The following STK11IP variants were observed in gnomAD, a reference collection of about 807,000 sequenced individuals.
STK11IP encodes the protein serine/threonine-protein kinase 11-interacting protein.
In STK11IP, 103 loss-of-function variants were observed where a neutral mutation model predicts 131.7. That is an observed-to-expected ratio of 0.78 (90% CI 0.67 to 0.92). The LOEUF (loss-of-function observed/expected upper bound fraction) is 0.92. STK11IP is among the 40% of genes least tolerant of loss of function. The pLI, the probability that STK11IP is intolerant of heterozygous loss-of-function variation, is 0.00. For missense variants in STK11IP, 1,315 were observed against 1,385.7 expected, an observed-to-expected ratio of 0.95 and a Z score of 0.81; for synonymous variants, 557 against 575.6, an observed-to-expected ratio of 0.97 and a Z score of 0.46.
intron 19 of STK11IP, 186 bp from the exon 20 acceptor site, chr2:219,612,936 CGGGCAG>C: frequency 1.8e-6 from 1 of 565,588 alleles, no homozygotes; most frequent in Non-Finnish European, 3.2e-6. Context: ...AGGCTCTGAG[CGGGCAG>C]GGGCTGCAAG....
intron 24 of STK11IP, among the ~76,000 whole-genome samples, 183 bp downstream of exon 24, chr2:219,615,524 C>CAGAG (rs59194333): frequency 0.96 from 146,033 of 152,110 alleles, 70,388 homozygotes; most frequent in East Asian, 1. Context: ...AATATCAAGT[C>CAGAG]AGGGAGGCAG....
Position 219,601,656 on chromosome 2 carries a change from G to T in STK11IP, c.283G>T (p.Gly95Cys), listed in dbSNP as rs199668217. Residue 95 changes from glycine to cysteine, a missense_variant, in exon 4 of 25, where the codon GGT (glycine) becomes TGT (cysteine). Coordinates refer to ENST00000456909, the MANE Select transcript of STK11IP (RefSeq NM_052902.4). ...TTTTTTTCAGCTGGTCCATGTTGCT[G>T]GTCCTGGCCCCACAGGGCCCATCAA... Reference protein sequence around the residue: ...TLSLKLVHVAGPGPTGPIKIF... With the variant: ...TLSLKLVHVACPGPTGPIKIF... 3.0e-5 allele frequency: 48 copies of T among 1,592,612 alleles called. No homozygotes were observed. Among genetic ancestry groups the T allele is most frequent in the Non-Finnish European group, 3.9e-5 (46 of 1,170,532 alleles).
At position 219,611,759 on chromosome 2, in the gene STK11IP, C is replaced by T; in HGVS notation, c.2260C>T (p.His754Tyr). Residue 754 changes from histidine to tyrosine, a missense_variant, in exon 18 of 25, where the codon CAC becomes TAC. Transcript: ENST00000456909. ...CTGCCACCCTCCTGGCCATGGTGAC[C>T]ACCTTGACAGGGCCAAGAACAGCCC... The part of the protein sequence containing the change: ...PVCHPPGHGD[H>Y]LDRAKNSPPQ... 1 of 1,613,080 alleles carries T rather than the reference C, an allele frequency of 6.2e-7. No homozygotes were observed.
intron 23 of STK11IP, 173 bp downstream of exon 23, chr2:219,614,719 C>T (rs1574633903): frequency 1.3e-6 from 1 of 791,296 alleles, no homozygotes; most frequent in East Asian, 2.7e-5. Context: ...GTGCCCTGAC[C>T]CTCTGGGTGG....
chr2:219,615,769 A>T (rs1244644318), intron 24 of STK11IP: 2 of 678,208 alleles, frequency 2.9e-6, no homozygotes, highest in Non-Finnish European at 2.8e-6. Context: ...TGGAGCCGGG[A>T]ATTGAATCCA....
rs914464146 is a variant in STK11IP, at chr2:219,606,925, T to C, written c.1134+67T>C. On this transcript the variant is annotated intron_variant, in intron 12 of 24. Transcript: ENST00000456909. ...TCTCTCCGGGGACTCTGGGCTACAG[T>C]GGGCAGGGAATGGTAGGAACTGTGC... The C allele has an allele frequency of 4.4e-6, 7 of 1,586,100 alleles. No individual in the cohort carries two copies. The Admixed American group carries it at 5.3e-5, about 12-fold the overall frequency.
Position 219,616,374 on chromosome 2 carries a change from G to A in STK11IP, c.*181G>A, listed in dbSNP as rs1698569170. On this transcript the variant is annotated 3_prime_UTR_variant, in exon 25 of 25. Coordinates refer to ENST00000456909, the MANE Select transcript of STK11IP (RefSeq NM_052902.4). The stretch of plus-strand genomic sequence containing the variant: ...AGGCGAGAGAATGATCTGGCCTCAG[G>A]GGACAGGCCACCTGGTCAGGAGGAA... 4 of 722,288 alleles carry A rather than the reference G, an allele frequency of 5.5e-6. No individual in the cohort carries two copies. The Admixed American group carries it at 1.2e-4, about 22-fold the overall frequency. The allele number at this position is 722,288 out of a possible 1,614,324, so 44.7% of individuals were successfully genotyped here.
chr2:219,608,806 G>A lies in STK11IP; in HGVS notation c.1809+18G>A. On this transcript the variant is annotated intron_variant, in intron 15 of 24. Transcript: ENST00000456909. ...GGCCCACGGTGAGTGGGGCGTGGCA[G>A]GGTCTCTGGAGGAGCCAGTTATGGG... The A allele has an allele frequency of 6.3e-7, 1 of 1,576,920 alleles. No individual in the cohort carries two copies. Among genetic ancestry groups the A allele is most frequent in the Non-Finnish European group, 8.6e-7 (1 of 1,162,608 alleles).
chr2:219,615,333 T>C lies in STK11IP; in HGVS notation c.3109T>C (p.Tyr1037His). Residue 1037 changes from tyrosine (Y) to histidine (H), a missense_variant, in exon 24 of 25, where the codon TAC becomes CAC. Coordinates refer to ENST00000456909, the MANE Select transcript of STK11IP (RefSeq NM_052902.4). ...SAPEDLRLLF[Y>H]DEVSRLESFW... ...CCCTGAGGACTTGCGGCTGCTCTTC[T>C]ACGATGAGGTGTGTATGTGTATCTC... The C allele has an allele frequency of 6.2e-7, 1 of 1,600,572 alleles. No homozygotes were observed.
intron 17 of STK11IP, among the ~76,000 whole-genome samples, chr2:219,610,627 C>T (rs968008770): frequency 6.6e-6 from 1 of 152,156 alleles, no homozygotes; most frequent in Non-Finnish European, 1.5e-5. Flanking sequence ...TGGTCTGTCT[C>T]CTGACCTCGG....
Position 219,608,669 on chromosome 2 carries a change from G to C in STK11IP, c.1690G>C (p.Ala564Pro), listed in dbSNP as rs777203435. ...GRECFLRVTS[A>P]HLFEVELQAA... ...GGAATGCTTTCTCAGGGTCACTTCT[G>C]CCCACCTGTTTGAGGTGGAACTCCA... Residue 564 changes from alanine (A) to proline (P), a missense_variant, in exon 15 of 25, where the codon GCC becomes CCC. Ala to Pro is a conservative substitution (Grantham distance 27). Transcript: ENST00000456909. The C allele has an allele frequency of 2.2e-5, 36 of 1,613,614 alleles. 1 individual carries two copies. Among genetic ancestry groups the C allele is most frequent in the Non-Finnish European group, 3.1e-5 (36 of 1,179,856 alleles).
At chr2:219,608,976 C>G in intron 15 of STK11IP, 121 bp from the exon 16 acceptor site, 1 of 1,044,984 alleles carries the variant, frequency 9.6e-7, no homozygotes, top group East Asian at 2.6e-5. Flanking sequence ...GGAGCTTGGA[C>G]GTCAGTACAG....
chr2:219,614,529 G>A lies in STK11IP; in HGVS notation c.2852G>A (p.Arg951Gln), dbSNP rs143777035. Residue 951 changes from arginine to glutamine, a missense_variant, in exon 23 of 25, where the codon CGG (arginine) becomes CAG (glutamine). Transcript: ENST00000456909. ...SLEARQFFYL[R>Q]AFLVEGPSTC... ...GAGGCTCGCCAGTTCTTCTACCTTC[G>A]GGCGTTCCTGGTTGAAGGTGAAGCC... is the stretch of plus-strand genomic sequence containing the variant. 858 of 1,613,766 alleles carry A rather than the reference G, an allele frequency of 5.3e-4. 6 individuals are homozygous for A. In the African/African-American group the frequency reaches 9.5e-3, roughly 18 times the overall value.
intron 7 of STK11IP, among the ~76,000 whole-genome samples, chr2:219,604,403 A>G (rs1698086015): frequency 6.6e-6 from 1 of 152,200 alleles, no homozygotes; most frequent in South Asian, 2.1e-4. Flanking sequence ...CCTCTAATTC[A>G]GGGAAAGAAG....
intron 17 of STK11IP, among the ~76,000 whole-genome samples, chr2:219,610,781 A>G (rs1412624275): frequency 6.6e-6 from 1 of 152,176 alleles, no homozygotes; most frequent in Non-Finnish European, 1.5e-5. Flanking sequence ...CTGTTACGCT[A>G]TTTAAATGTG....
At chr2:219,600,709 A>C (rs754488978) in intron 2 of STK11IP, among the ~76,000 whole-genome samples, 15 of 152,248 alleles carry the variant, frequency 9.9e-5, no homozygotes, top group Non-Finnish European at 1.9e-4. Context: ...TCTATGACAT[A>C]CTTTTTAGTA....
In STK11IP at chr2:219,608,433, G is replaced by A. The variant is rs1698274804; in HGVS notation, c.1603+3G>A. The A allele has an allele frequency of 1.3e-6, 2 of 1,554,890 alleles. No homozygotes were observed. Among genetic ancestry groups the A allele is most frequent in the Non-Finnish European group, 1.7e-6 (2 of 1,150,032 alleles). On this transcript the variant is annotated splice_donor_region_variant and intron_variant, in intron 14 of 24. Transcript: ENST00000456909. Reference sequence around the variant, plus strand: ...GCAGGACCAGAAGGAAGTGGAAGGTGAGCCCTTTGTGGGCTGGGGCGAGCT... The same window carrying A: ...GCAGGACCAGAAGGAAGTGGAAGGTAAGCCCTTTGTGGGCTGGGGCGAGCT...
Position 219,609,615 on chromosome 2 carries a change from T to C in STK11IP, c.2104+75T>C, listed in dbSNP as rs778570099. 5 of 1,520,270 alleles carry C rather than the reference T, an allele frequency of 3.3e-6. No homozygotes were observed. The South Asian group carries it at 6.1e-5, about 18-fold the overall frequency. The allele number at this position is 1,520,270 out of a possible 1,614,324, so 94.2% of individuals were successfully genotyped here. ...GGGAAAGTGGCTCTGTGTAGGGGAG[T>C]GTGAAGGGGGAGCCCTAGGGAGAAG... On this transcript the variant is annotated intron_variant, in intron 17 of 24. Transcript: ENST00000456909.
Position 219,609,391 on chromosome 2 carries a change from C to A in STK11IP, c.1955C>A (p.Thr652Asn). 6.2e-7 allele frequency: 1 copy of A among 1,613,844 alleles called. No individual in the cohort carries two copies. The highest frequency in any genetic ancestry group is 8.5e-7 in the Non-Finnish European group (1 of 1,179,876). Residue 652 changes from threonine to asparagine, a missense_variant, in exon 17 of 25, where the codon ACC (threonine) becomes AAC (asparagine). Thr to Asn is a moderately conservative substitution (Grantham distance 65). Transcript: ENST00000456909. ...CTGCTTGCCGTGTTGACCCCAGTCA[C>A]CAATGTGGCTCGGGAACAGCTTGGG... is the stretch of plus-strand genomic sequence containing the variant. ...QELLAVLTPV[T>N]NVAREQLGEA...
Sources: allele counts gnomAD v4.1 joint callset (sites outside exome capture counted in the v4.1 genomes callset), GRCh38; gene constraint gnomAD v4.1.1; transcripts MANE v1.5; gene names NCBI Gene and HGNC (gene_info 2026-07-23, HGNC 2026-07-21).